DPP10: variants seen among roughly 807,000 people sequenced by gnomAD.
DPP10 encodes inactive dipeptidyl peptidase 10.
DPP10 carries 33 observed loss-of-function variants against 120.9 expected under a neutral mutation model. That is an observed-to-expected ratio of 0.27 (90% CI 0.21 to 0.37). The LOEUF is 0.37. Ranked by LOEUF, DPP10 falls within the 10% of genes least tolerant of loss-of-function variation. The pLI is 1.00. For missense variants in DPP10, 816 were observed against 942.8 expected (o/e 0.87, Z 1.76); for synonymous variants, 337 against 326.1 (o/e 1.03, Z -0.36).
At chr2:114,661,658 T>A (rs1697413955) in intron 1 of DPP10, among the ~76,000 whole-genome samples, 1 of 152,206 alleles carries the variant, frequency 6.6e-6, no homozygotes, top group South Asian at 2.1e-4. Context: ...GCTGTTTGTA[T>A]GTTCTATTCT....
intron 1 of DPP10, among the ~76,000 whole-genome samples, chr2:114,910,667 T>C (rs1244052624): frequency 6.6e-6 from 1 of 152,148 alleles, no homozygotes; most frequent in Non-Finnish European, 1.5e-5. Context: ...TTCACATATG[T>C]AATTCCTGTG....
At chr2:115,286,473 T>TATATTAC (rs1300666098) in intron 1 of DPP10, among the ~76,000 whole-genome samples, 1 of 97,600 alleles carries the variant, frequency 1.0e-5, no homozygotes, top group Non-Finnish European at 2.1e-5. Flanking sequence ...GTGAAATATA[T>TATATTAC]ATATGTAATA....
chr2:115,806,284 T>G (rs1685959087), intron 19 of DPP10, among the ~76,000 whole-genome samples: 1 of 152,208 alleles, frequency 6.6e-6, no homozygotes. Context: ...ACTTTTATAA[T>G]TGTGTTCTCT....
chr2:115,461,159 C>T (rs1342475730), intron 3 of DPP10, among the ~76,000 whole-genome samples: 1 of 151,878 alleles, frequency 6.6e-6, no homozygotes, highest in African/African-American at 2.4e-5. Flanking sequence ...AATATCTTGT[C>T]ATCTCAAACG....
intron 1 of DPP10, among the ~76,000 whole-genome samples, chr2:114,645,996 C>G (rs1192114482): frequency 4.0e-5 from 6 of 151,820 alleles, no homozygotes; most frequent in Non-Finnish European, 5.9e-5. Context: ...CCTGTCTCTA[C>G]TAAAAATACA....
intron 1 of DPP10, among the ~76,000 whole-genome samples, chr2:114,743,180 G>T (rs980122861): frequency 6.6e-6 from 1 of 152,134 alleles, no homozygotes; most frequent in Non-Finnish European, 1.5e-5. Flanking sequence ...AGAGATTTTA[G>T]ATTTTAGGGA....
intron 1 of DPP10, among the ~76,000 whole-genome samples, chr2:114,697,192 A>G (rs1392986242): frequency 6.6e-6 from 1 of 152,014 alleles, no homozygotes; most frequent in African/African-American, 2.4e-5. Flanking sequence ...CTTTGCAGAA[A>G]AGTTACCAGA....
intron 10 of DPP10, among the ~76,000 whole-genome samples, chr2:115,748,655 T>C (rs1021545185): frequency 6.6e-6 from 1 of 152,154 alleles, no homozygotes; most frequent in Non-Finnish European, 1.5e-5. Flanking sequence ...GATGATTGGT[T>C]TCCTTATTTA....
chr2:114,602,789 CA>C (rs770752153), intron 1 of DPP10, among the ~76,000 whole-genome samples: 1 of 152,016 alleles, frequency 6.6e-6, no homozygotes, highest in African/African-American at 2.4e-5. Context: ...CTGGGAAACA[CA>C]AACCTGCCTA....
intron 19 of DPP10, among the ~76,000 whole-genome samples, chr2:115,804,556 G>A (rs1453824945): frequency 6.6e-6 from 1 of 152,132 alleles, no homozygotes; most frequent in East Asian, 1.9e-4. Context: ...CCCCATCTTT[G>A]TGGTTTTATC....
At chr2:115,285,121 C>G (rs2105894852) in intron 1 of DPP10, among the ~76,000 whole-genome samples, 1 of 152,106 alleles carries the variant, frequency 6.6e-6, no homozygotes, top group East Asian at 1.9e-4. Flanking sequence ...AATGAGAAAG[C>G]TAAGACTTCA....
At chr2:114,879,989 G>A (rs911765389) in intron 1 of DPP10, among the ~76,000 whole-genome samples, 7 of 152,164 alleles carry the variant, frequency 4.6e-5, no homozygotes, top group African/African-American at 1.7e-4. Context: ...TCCTGGTTTA[G>A]ATGACAAATG....
chr2:114,886,235 T>C (rs1692058371), intron 1 of DPP10, among the ~76,000 whole-genome samples: 1 of 152,216 alleles, frequency 6.6e-6, no homozygotes, highest in South Asian at 2.1e-4. Context: ...ATGTCTCTGA[T>C]GTTCTTTTGA....
At chr2:115,688,295 TGGTGGAA>T (rs1371046572) in intron 5 of DPP10, among the ~76,000 whole-genome samples, 1 of 152,124 alleles carries the variant, frequency 6.6e-6, no homozygotes, top group Non-Finnish European at 1.5e-5. Flanking sequence ...CTCTAACAAA[TGGTGGAA>T]GGCTTGCAAT....
intron 1 of DPP10, among the ~76,000 whole-genome samples, chr2:114,488,446 G>C (rs932010085): frequency 3.9e-5 from 6 of 152,056 alleles, no homozygotes; most frequent in Non-Finnish European, 7.4e-5. Flanking sequence ...TCTCAACTAG[G>C]GTGGCTCATT....
At chr2:115,833,292 G>T (rs1021717504) in intron 21 of DPP10, among the ~76,000 whole-genome samples, 5 of 152,002 alleles carry the variant, frequency 3.3e-5, no homozygotes, top group Admixed American at 6.6e-5. Flanking sequence ...CTGAAAGTTT[G>T]CTTGGCCATC....
intron 1 of DPP10, among the ~76,000 whole-genome samples, chr2:115,210,797 G>T (rs1025452598): frequency 7.2e-5 from 11 of 152,096 alleles, no homozygotes; most frequent in South Asian, 2.1e-4. Flanking sequence ...TCATGTGTCT[G>T]TTGGCTGCAT....
At position 115,777,313 on chromosome 2, in the gene DPP10, G is replaced by A. The variant is rs1325267339; in HGVS notation, c.1313+14G>A. The A allele has an allele frequency of 2.5e-6, 4 of 1,605,812 alleles. No homozygotes were observed. The highest frequency in any genetic ancestry group is 3.4e-6 in the Non-Finnish European group (4 of 1,173,226). ...TACTCAAAAAATGTGAGTGTTTTCA[G>A]TTCTCTAGTCAGGCTGCAAGTTAGC... On this transcript the variant is annotated intron_variant, in intron 14 of 25. Transcript: ENST00000410059.
intron 1 of DPP10, among the ~76,000 whole-genome samples, chr2:115,152,350 A>G (rs940707120): frequency 6.6e-6 from 1 of 152,234 alleles, no homozygotes; most frequent in Non-Finnish European, 1.5e-5. Flanking sequence ...ACAATTTGCC[A>G]GTCTCTGGTC....
Sources: allele counts gnomAD v4.1 joint callset (sites outside exome capture counted in the v4.1 genomes callset), GRCh38; gene constraint gnomAD v4.1.1; transcripts MANE v1.5; gene names NCBI Gene and HGNC (gene_info 2026-07-23, HGNC 2026-07-21).